Variants in MAGI2 observed in about 807,000 individuals in gnomAD.
The protein encoded by MAGI2 is membrane associated guanylate kinase, WW and PDZ domain containing 2, also known as membrane-associated guanylate kinase, WW and PDZ domain-containing protein 2.
A neutral mutation model predicts 133.3 loss-of-function variants in MAGI2; 35 were observed. The observed-to-expected ratio is 0.26, with a 90% CI of 0.20 to 0.35. The LOEUF (loss-of-function observed/expected upper bound fraction) is 0.35, where lower values mean the gene tolerates loss of function less well. MAGI2 is among the 10% of genes least tolerant of loss of function. MAGI2 has a pLI of 1.00. For synonymous variants in MAGI2, 729 were observed against 710.6 expected (o/e 1.03, Z -0.41); for missense variants, 1,636 against 1,863.4 (o/e 0.88, Z 2.25).
chr7:78,912,430 A>T (rs1455823968), intron 2 of MAGI2, among the ~76,000 whole-genome samples: 1 of 151,990 alleles, frequency 6.6e-6, no homozygotes, highest in African/African-American at 2.4e-5. Flanking sequence ...GCCAAAGGAG[A>T]TTAACATTTG....
Position 78,019,719 on chromosome 7 carries a change from T to G in MAGI2, c.3964A>C (p.Arg1322=), listed in dbSNP as rs779295207. 3.2e-5 allele frequency: 51 copies of G among 1,602,294 alleles called. No individual in the cohort carries two copies. The highest frequency in any genetic ancestry group is 4.3e-5 in the Non-Finnish European group (51 of 1,177,454). The change falls in exon 22 of 22, where the codon AGG becomes CGG. Residue 1322 remains arginine, a synonymous_variant. Coordinates refer to ENST00000354212, the MANE Select transcript of MAGI2 (RefSeq NM_012301.4). ...TCCTCGAGCCTCGGCCGCGCGGCCC[T>G]CTGCGGACTCGCCGAGCGCTCCCTC... is the stretch of plus-strand genomic sequence containing the variant. ...EQRERSASPQ[R]AARPRLEEAP... is the part of the protein sequence containing the mutation.
At chr7:78,131,949 A>G (rs752000063) in intron 18 of MAGI2, among the ~76,000 whole-genome samples, 2 of 152,118 alleles carry the variant, frequency 1.3e-5, no homozygotes, top group Non-Finnish European at 2.9e-5. Flanking sequence ...TTCTCAGCTC[A>G]CTGCAACCTC....
intron 20 of MAGI2, among the ~76,000 whole-genome samples, chr7:78,098,966 G>A (rs1164581462): frequency 6.6e-6 from 1 of 151,744 alleles, no homozygotes; most frequent in African/African-American, 2.4e-5. Context: ...AATTCATGGA[G>A]TTTTTTTTAT....
intron 2 of MAGI2, among the ~76,000 whole-genome samples, chr7:78,961,907 C>T (rs183715342): frequency 1.3e-3 from 194 of 152,118 alleles, no homozygotes; most frequent in African/African-American, 4.6e-3. Flanking sequence ...GCCTACTATA[C>T]CCCTAGGCTA....
At position 79,388,156 on chromosome 7, in the gene MAGI2, C is replaced by T. The variant is rs377104981; in HGVS notation, c.301+64864G>A. On this transcript the variant is annotated intron_variant, in intron 1 of 21. Coordinates refer to ENST00000354212, the MANE Select transcript of MAGI2 (RefSeq NM_012301.4). The stretch of plus-strand genomic sequence containing the variant: ...TTTTTCCTTTGGCTCTGGTATAATT[C>T]TCTTCTATTAAGACCATTCATTTTT... Among the ~76,000 whole-genome samples the T allele has an allele frequency of 2.6e-5, 4 of 151,862 alleles. No individual in the cohort carries two copies. In the East Asian group the frequency reaches 7.7e-4, roughly 29 times the overall value.
intron 4 of MAGI2, chr7:78,519,241 A>G (rs1001073611): frequency 6.6e-6 from 1 of 152,202 alleles, no homozygotes; most frequent in Non-Finnish European, 1.5e-5. Context: ...ATAAATGTAA[A>G]GAGAAACAAA....
intron 2 of MAGI2, among the ~76,000 whole-genome samples, chr7:78,655,452 A>G (rs71555004): frequency 4.4e-5 from 3 of 68,408 alleles, no homozygotes; most frequent in Non-Finnish European, 6.0e-5. Flanking sequence ...AAAAAAAACA[A>G]CCAAAAAAAA....
At chr7:78,056,679 G>A (rs1394796838) in intron 21 of MAGI2, among the ~76,000 whole-genome samples, 1 of 152,044 alleles carries the variant, frequency 6.6e-6, no homozygotes. Context: ...GGCTTGGGGG[G>A]AAGGAGAGCA....
chr7:78,797,905 T>C (rs1297506945), intron 2 of MAGI2, among the ~76,000 whole-genome samples: 1 of 151,728 alleles, frequency 6.6e-6, no homozygotes, highest in African/African-American at 2.4e-5. Context: ...TGCATGGCAA[T>C]GAAACCTGTC....
intron 21 of MAGI2, chr7:78,065,637 C>T (rs1329557853): frequency 4.3e-6 from 3 of 699,680 alleles, no homozygotes; most frequent in Non-Finnish European, 7.8e-6. Flanking sequence ...TTTTCATGCA[C>T]ATGGAGAGAC....
intron 2 of MAGI2, among the ~76,000 whole-genome samples, chr7:78,906,838 A>C (rs996793559): frequency 2.6e-5 from 4 of 152,170 alleles, no homozygotes; most frequent in Non-Finnish European, 5.9e-5. Flanking sequence ...GCACACATAT[A>C]TGAATGCATA....
intron 5 of MAGI2, among the ~76,000 whole-genome samples, chr7:78,499,966 C>T (rs1286353824): frequency 2.0e-5 from 3 of 152,034 alleles, no homozygotes; most frequent in African/African-American, 7.3e-5. Context: ...TTCTATTTTC[C>T]AATTAATTGA....
intron 2 of MAGI2, among the ~76,000 whole-genome samples, chr7:78,921,398 C>T (rs924774453): frequency 6.6e-6 from 1 of 152,076 alleles, no homozygotes; most frequent in Non-Finnish European, 1.5e-5. Context: ...TCCCTCCCGC[C>T]CCCTAATAGA....
At chr7:79,355,614 C>T (rs1841972159) in intron 1 of MAGI2, among the ~76,000 whole-genome samples, 1 of 152,188 alleles carries the variant, frequency 6.6e-6, no homozygotes, top group African/African-American at 2.4e-5. Flanking sequence ...CAGATAGTTG[C>T]AGGGCCTTTC....
At chr7:78,744,432 A>G (rs561470759) in intron 2 of MAGI2, among the ~76,000 whole-genome samples, 1 of 152,128 alleles carries the variant, frequency 6.6e-6, no homozygotes, top group Admixed American at 6.6e-5. Context: ...AAATTTTCTT[A>G]TTAATCTGGT....
rs142834568 is a variant in MAGI2, at chr7:79,021,386, C to T, written c.302-14180G>A. ...GCCACTCAACACCAGCCTGTGAAAG[C>T]GGCTGGGAGGGGGCCTGTACCCTGA... On this transcript the variant is annotated intron_variant, in intron 1 of 21. Coordinates refer to ENST00000354212, the MANE Select transcript of MAGI2 (RefSeq NM_012301.4). 5.2e-3 allele frequency among the ~76,000 whole-genome samples: 791 copies of T among 152,306 alleles called. 9 individuals are homozygous for T. Among genetic ancestry groups the T allele is most frequent in the African/African-American group, 0.018 (748 of 41,576 alleles).
chr7:78,458,870 G>T (rs1204205786), intron 6 of MAGI2, among the ~76,000 whole-genome samples: 1 of 152,112 alleles, frequency 6.6e-6, no homozygotes, highest in Admixed American at 6.5e-5. Context: ...TCCTGACCTC[G>T]TGATCCGCCC....
chr7:78,874,578 A>G (rs1219753435), intron 2 of MAGI2, among the ~76,000 whole-genome samples: 2 of 152,190 alleles, frequency 1.3e-5, no homozygotes, highest in Non-Finnish European at 2.9e-5. Flanking sequence ...GTGAAATCCA[A>G]AAAAGTTGAT....
intron 21 of MAGI2, among the ~76,000 whole-genome samples, chr7:78,063,478 G>A (rs1232215267): frequency 6.6e-6 from 1 of 152,168 alleles, no homozygotes; most frequent in East Asian, 1.9e-4. Flanking sequence ...TTGGCCTCAA[G>A]CGATCCTCCT....
Sources: allele counts gnomAD v4.1 joint callset (sites outside exome capture counted in the v4.1 genomes callset), GRCh38; gene constraint gnomAD v4.1.1; transcripts MANE v1.5; gene names NCBI Gene and HGNC (gene_info 2026-07-23, HGNC 2026-07-21).